ANO3: variants seen among roughly 807,000 people sequenced by gnomAD.
ANO3 encodes the protein anoctamin-3.
A neutral mutation model predicts 144.8 loss-of-function variants in ANO3; 99 were observed. That is an observed-to-expected ratio of 0.68 (90% CI 0.58 to 0.81). The LOEUF is 0.81. Ranked by LOEUF, ANO3 falls within the 30% of genes least tolerant of loss-of-function variation. ANO3 has a pLI of 0.00. For missense variants in ANO3, 905 were observed against 1,202.2 expected, an observed-to-expected ratio of 0.75 and a Z score of 3.66; for synonymous variants, 414 against 392.6, an observed-to-expected ratio of 1.05 and a Z score of -0.64.
Position 26,616,829 on chromosome 11 carries a change from G to A in ANO3, c.1837-7633G>A, listed in dbSNP as rs148434016. Among the ~76,000 whole-genome samples, 488 of 152,200 alleles carry A rather than the reference G, an allele frequency of 3.2e-3. 3 individuals carry two copies. The highest frequency in any genetic ancestry group is 0.027 in the Middle Eastern group (8 of 294). On this transcript the variant is annotated intron_variant, in intron 17 of 26. Transcript: ENST00000256737. ...TCTCTGTTGCCCAGGATGGAGTGCA[G>A]TGGCAAGATCTTAGCTCACCACAAC...
intron 22 of ANO3, 30 bp downstream of exon 22, chr11:26,642,059 G>T: frequency 6.3e-7 from 1 of 1,592,768 alleles, no homozygotes; most frequent in African/African-American, 1.4e-5. Flanking sequence ...AGGACTATTT[G>T]GCCTTCTTGA....
chr11:26,525,821 T>C (rs1849148559), intron 7 of ANO3, 142 bp downstream of exon 7: 2 of 603,890 alleles, frequency 3.3e-6, no homozygotes, highest in South Asian at 4.8e-5. Context: ...CCAAAATAAC[T>C]TATGCCAAAT....
intron 1 of ANO3, among the ~76,000 whole-genome samples, chr11:26,401,789 C>G (rs747058129): frequency 6.6e-6 from 1 of 151,994 alleles, no homozygotes; most frequent in Non-Finnish European, 1.5e-5. Context: ...AGTCAGGAGA[C>G]TCACTTGAAC....
chr11:26,649,350 T>G (rs748163325), intron 24 of ANO3, among the ~76,000 whole-genome samples: 4 of 152,236 alleles, frequency 2.6e-5, no homozygotes, highest in Non-Finnish European at 4.4e-5. Flanking sequence ...TGAGTAAATA[T>G]TAAACTTCTG....
intron 1 of ANO3, among the ~76,000 whole-genome samples, chr11:26,270,520 C>T (rs933429854): frequency 6.6e-6 from 1 of 152,168 alleles, no homozygotes; most frequent in Non-Finnish European, 1.5e-5. Context: ...TTAAGCACTT[C>T]CTCATTCTTC....
chr11:26,552,707 T>C (rs1849965742), intron 12 of ANO3, among the ~76,000 whole-genome samples: 1 of 150,952 alleles, frequency 6.6e-6, no homozygotes. Context: ...AACTATGGCA[T>C]GTCATTGTGA....
chr11:26,408,028 A>G (rs1857333812), intron 1 of ANO3, among the ~76,000 whole-genome samples: 1 of 152,114 alleles, frequency 6.6e-6, no homozygotes, highest in Admixed American at 6.6e-5. Context: ...ACCCTAGAAG[A>G]AAACCTAGGC....
At chr11:26,339,152 C>CTT (rs983569207) in intron 1 of ANO3, among the ~76,000 whole-genome samples, 12 of 145,012 alleles carry the variant, frequency 8.3e-5, no homozygotes, top group Admixed American at 2.1e-4. Context: ...CCAAAGTCCA[C>CTT]TTTTTTTTTT....
chr11:26,324,899 A>AAATG (rs1854846694), intron 1 of ANO3, among the ~76,000 whole-genome samples: 2 of 152,184 alleles, frequency 1.3e-5, no homozygotes. Flanking sequence ...TATTTTAGTG[A>AAATG]AATGAATAGG....
chr11:26,607,199 A>G (rs1851962004), intron 17 of ANO3, among the ~76,000 whole-genome samples: 1 of 152,184 alleles, frequency 6.6e-6, no homozygotes. Flanking sequence ...GAAATAAAAT[A>G]AAATATTTTA....
At chr11:26,587,298 T>C (rs1442369630) in intron 14 of ANO3, among the ~76,000 whole-genome samples, 3 of 152,222 alleles carry the variant, frequency 2.0e-5, no homozygotes, top group African/African-American at 7.2e-5. Flanking sequence ...GCACTTTTTA[T>C]GTTTAGGGTC....
chr11:26,205,578 G>A (rs545457015), intron 1 of ANO3, among the ~76,000 whole-genome samples: 4 of 152,106 alleles, frequency 2.6e-5, no homozygotes, highest in South Asian at 2.1e-4. Flanking sequence ...GTCAGCTTTG[G>A]CCAGAGCAGT....
intron 1 of ANO3, among the ~76,000 whole-genome samples, chr11:26,189,960 T>G (rs895723012): frequency 6.6e-6 from 1 of 152,144 alleles, no homozygotes; most frequent in East Asian, 1.9e-4. Flanking sequence ...ATAGTTTGCA[T>G]TCATCAAAAA....
intron 23 of ANO3, among the ~76,000 whole-genome samples, chr11:26,647,388 G>C (rs1405444150): frequency 6.6e-6 from 1 of 152,106 alleles, no homozygotes; most frequent in African/African-American, 2.4e-5. Context: ...TATTTTTATT[G>C]CCTCAGCAAG....
intron 1 of ANO3, among the ~76,000 whole-genome samples, chr11:26,336,521 C>G (rs1002465630): frequency 6.6e-6 from 1 of 152,090 alleles, no homozygotes; most frequent in African/African-American, 2.4e-5. Context: ...TTCTCTTTTT[C>G]TTTAAATAAA....
chr11:26,466,399 C>G (rs1225841038), intron 4 of ANO3, among the ~76,000 whole-genome samples: 1 of 151,962 alleles, frequency 6.6e-6, no homozygotes, highest in Non-Finnish European at 1.5e-5. Flanking sequence ...GATTTTGCAG[C>G]TTTTCCCATC....
chr11:26,368,192 A>C (rs1458349480), intron 1 of ANO3, among the ~76,000 whole-genome samples: 1 of 152,214 alleles, frequency 6.6e-6, no homozygotes. Context: ...GTGAGCAACA[A>C]GTCCTGGTGA....
chr11:26,468,031 A>G (rs1859660958), intron 4 of ANO3, among the ~76,000 whole-genome samples: 1 of 151,932 alleles, frequency 6.6e-6, no homozygotes, highest in Non-Finnish European at 1.5e-5. Context: ...ACATTTGAAG[A>G]TAATGAGGTC....
intron 14 of ANO3, among the ~76,000 whole-genome samples, chr11:26,590,443 G>A (rs1273092799): frequency 8.5e-5 from 13 of 152,182 alleles, no homozygotes; most frequent in Admixed American, 7.9e-4. Flanking sequence ...TTACCAGCAG[G>A]TCTTTGTTCT....
Sources: allele counts gnomAD v4.1 joint callset (sites outside exome capture counted in the v4.1 genomes callset), GRCh38; gene constraint gnomAD v4.1.1; transcripts MANE v1.5; gene names NCBI Gene and HGNC (gene_info 2026-07-23, HGNC 2026-07-21).